IRAK2: variants seen among roughly 807,000 people sequenced by gnomAD.
IRAK2 encodes interleukin 1 receptor associated kinase 2, also known as interleukin-1 receptor-associated kinase-like 2.
Under a neutral mutation model 72.0 loss-of-function variants are expected in IRAK2, and 57 were observed. That is an observed-to-expected ratio of 0.79 (90% confidence interval 0.64 to 0.99). The LOEUF is 0.99. IRAK2 is among the 50% of genes least tolerant of loss of function. The probability of loss-of-function intolerance (pLI) is 0.00; values close to 1 mark genes in which losing one functional copy is unlikely to be tolerated. For missense variants in IRAK2, 790 were observed against 794.4 expected, an observed-to-expected ratio of 0.99 and a Z score of 0.07; for synonymous variants, 293 against 312.7, an observed-to-expected ratio of 0.94 and a Z score of 0.67.
chr3:10,182,473 G>C (rs2928090), intron 2 of IRAK2, among the ~76,000 whole-genome samples: 52,007 of 151,140 alleles, frequency 0.34, 9,525 homozygotes, highest in Non-Finnish European at 0.39. Context: ...AGTTAGAGAC[G>C]GGGTTTCACC....
At position 10,233,182 on chromosome 3, in the gene IRAK2, T is replaced by G. The variant is rs776516; in HGVS notation, c.1273-1277T>G. 4.6e-5 allele frequency among the ~76,000 whole-genome samples: 7 copies of G among 151,954 alleles called. No homozygotes were observed. In the East Asian group the frequency reaches 1.4e-3, roughly 30 times the overall value. ...CTCCTACCTCAGCCTCCCGAGTACC[T>G]GGGACTATAGGCACGCACCGCCATG... On this transcript the variant is annotated intron_variant, in intron 10 of 12. Transcript: ENST00000256458.
At chr3:10,193,496 T>C (rs1335689362) in intron 2 of IRAK2, among the ~76,000 whole-genome samples, 2 of 151,690 alleles carry the variant, frequency 1.3e-5, no homozygotes, top group Admixed American at 1.3e-4. Context: ...GGTGGCGTGC[T>C]CCTGTGGTCT....
intron 12 of IRAK2, among the ~76,000 whole-genome samples, chr3:10,240,673 T>C (rs1642730): frequency 0.7 from 102,719 of 147,360 alleles, 36,245 homozygotes; most frequent in East Asian, 0.99. Flanking sequence ...GATTCTCCTG[T>C]CTCAGCCTCC....
chr3:10,213,120 T>C, intron 4 of IRAK2, 87 bp from the exon 5 acceptor site: 1 of 1,117,718 alleles, frequency 8.9e-7, no homozygotes, highest in African/African-American at 1.5e-5. Flanking sequence ...CCTCCATCCC[T>C]CCATCTCTGG....
At chr3:10,221,189 G>A (rs1193298821) in intron 8 of IRAK2, among the ~76,000 whole-genome samples, 1 of 147,976 alleles carries the variant, frequency 6.8e-6, no homozygotes, top group East Asian at 2.0e-4. Flanking sequence ...TCAAGAGATC[G>A]AGACCATCCT....
rs532733895 is a variant in IRAK2, at chr3:10,213,990, G to A, written c.788+442G>A. Among the ~76,000 whole-genome samples, 14 of 151,264 alleles carry A rather than the reference G, an allele frequency of 9.3e-5. No individual in the cohort carries two copies. The South Asian group carries it at 2.3e-3, about 25-fold the overall frequency. ...GTCTCCCAGGCTGGAGTGCAGTGGCGTGATCTCGGCTCACTGCAATCTCTG... is the reference window on the plus strand; with the variant it reads ...GTCTCCCAGGCTGGAGTGCAGTGGCATGATCTCGGCTCACTGCAATCTCTG... On this transcript the variant is annotated intron_variant, in intron 6 of 12. Transcript: ENST00000256458.
Position 10,209,549 on chromosome 3 carries a change from C to T in IRAK2, c.425-40C>T, listed in dbSNP as rs1343416242. The T allele has an allele frequency of 2.2e-6, 3 of 1,349,338 alleles. No homozygotes were observed. In the South Asian group the frequency reaches 4.2e-5, roughly 19 times the overall value. The allele number at this position is 1,349,338 out of a possible 1,614,324, so 83.6% of individuals were successfully genotyped here. ...AGACCAGGATCCCTCCTGTCTTCCT[C>T]CCCGAGGCTGCATCCTGACCCATAG... On this transcript the variant is annotated intron_variant, in intron 3 of 12. Transcript: ENST00000256458.
intron 4 of IRAK2, among the ~76,000 whole-genome samples, chr3:10,211,678 A>G (rs144546439): frequency 7.4e-4 from 113 of 152,258 alleles, no homozygotes; most frequent in African/African-American, 2.4e-3. Flanking sequence ...AAATCCTAGT[A>G]TATCTAATTG....
At chr3:10,189,070 A>C (rs1173574495) in intron 2 of IRAK2, among the ~76,000 whole-genome samples, 1 of 152,258 alleles carries the variant, frequency 6.6e-6, no homozygotes, top group Non-Finnish European at 1.5e-5. Flanking sequence ...GTGGGAGATG[A>C]ATTATAAGAA....
At chr3:10,221,709 T>G (rs989830577) in intron 8 of IRAK2, among the ~76,000 whole-genome samples, 1 of 151,988 alleles carries the variant, frequency 6.6e-6, no homozygotes, top group African/African-American at 2.4e-5. Context: ...TTTGTTTTAG[T>G]AGAGATGAGG....
intron 2 of IRAK2, among the ~76,000 whole-genome samples, chr3:10,199,765 A>G (rs1697325689): frequency 6.6e-6 from 1 of 151,900 alleles, no homozygotes; most frequent in Admixed American, 6.6e-5. Context: ...GGGAAGGGAG[A>G]CCGAGAGGAG....
chr3:10,201,336 C>T (rs1048414933), intron 3 of IRAK2, among the ~76,000 whole-genome samples: 4 of 152,228 alleles, frequency 2.6e-5, no homozygotes, highest in African/African-American at 9.6e-5. Flanking sequence ...GTTGGCCCTG[C>T]GTGCAGGCTC....
intron 2 of IRAK2, among the ~76,000 whole-genome samples, chr3:10,188,270 TC>T (rs1697111352): frequency 6.6e-6 from 1 of 152,178 alleles, no homozygotes; most frequent in East Asian, 1.9e-4. Context: ...AAATTCTCCC[TC>T]TGCCCTGCCA....
chr3:10,192,867 A>C (rs1274887803), intron 2 of IRAK2, among the ~76,000 whole-genome samples: 1 of 152,216 alleles, frequency 6.6e-6, no homozygotes, highest in Non-Finnish European at 1.5e-5. Flanking sequence ...TGTAATGAGC[A>C]GAGATCGTGC....
chr3:10,183,404 G>T (rs1379229948), intron 2 of IRAK2, among the ~76,000 whole-genome samples: 2 of 152,142 alleles, frequency 1.3e-5, no homozygotes, highest in Non-Finnish European at 2.9e-5. Flanking sequence ...TATTTAATTT[G>T]TCAAACACTG....
At position 10,184,787 on chromosome 3, in the gene IRAK2, T is replaced by G. The variant is rs1380421495; in HGVS notation, c.277+6767T>G. The stretch of plus-strand genomic sequence containing the variant: ...CTCTGTCGCCCAGGCTGGAGTGCAG[T>G]GGCGCGATCTCGGCTCACTGCAAGC... On this transcript the variant is annotated intron_variant, in intron 2 of 12. Transcript: ENST00000256458. Among the ~76,000 whole-genome samples, 3 of 141,836 alleles carry G rather than the reference T, an allele frequency of 2.1e-5. 1 individual carries two copies. Among genetic ancestry groups the G allele is most frequent in the Non-Finnish European group, 4.5e-5 (3 of 66,890 alleles). 93.0% of individuals were successfully genotyped at this position (141,836 alleles called of 152,430 possible).
chr3:10,193,767 C>T (rs976157863), intron 2 of IRAK2, among the ~76,000 whole-genome samples: 1 of 152,260 alleles, frequency 6.6e-6, no homozygotes, highest in African/African-American at 2.4e-5. Flanking sequence ...CAGGGAGAAC[C>T]CTGGGCTGCC....
intron 2 of IRAK2, among the ~76,000 whole-genome samples, chr3:10,183,136 C>G (rs1467244632): frequency 6.6e-6 from 1 of 152,198 alleles, no homozygotes; most frequent in Non-Finnish European, 1.5e-5. Context: ...TTGAAAGCCC[C>G]ACACACCAGA....
intron 3 of IRAK2, among the ~76,000 whole-genome samples, chr3:10,202,754 C>T (rs1289241480): frequency 1.4e-5 from 2 of 140,924 alleles, no homozygotes; most frequent in African/African-American, 2.7e-5. Context: ...GACGGTGGCA[C>T]GGTCATAGCT....
Sources: allele counts gnomAD v4.1 joint callset (sites outside exome capture counted in the v4.1 genomes callset), GRCh38; gene constraint gnomAD v4.1.1; transcripts MANE v1.5; gene names NCBI Gene and HGNC (gene_info 2026-07-23, HGNC 2026-07-21).